Variants in PTPRN observed in about 807,000 individuals in gnomAD.
The protein encoded by PTPRN is receptor-type tyrosine-protein phosphatase-like N.
PTPRN carries 70 observed loss-of-function variants against 108.5 expected under a neutral mutation model. That is an observed-to-expected ratio of 0.65 (90% CI 0.53 to 0.79). The LOEUF is 0.79. PTPRN is among the 30% of genes least tolerant of loss of function. PTPRN has a pLI of 0.00. For synonymous variants in PTPRN, 496 were observed against 524.6 expected (o/e 0.95, Z 0.75); for missense variants, 1,136 against 1,295.5 (o/e 0.88, Z 1.89).
At chr2:219,301,816 G>A (rs1358609669) in intron 6 of PTPRN, 97 bp from the exon 7 acceptor site, 1 of 1,406,534 alleles carries the variant, frequency 7.1e-7, no homozygotes, top group African/African-American at 1.4e-5. Context: ...AGCATGTTAA[G>A]AGAGTCTTCC....
chr2:219,307,803 A>G lies in PTPRN; in HGVS notation c.155T>C (p.Val52Ala). The change falls in exon 2 of 23, where the codon GTC (valine) becomes GCC (alanine). Residue 52 changes from valine to alanine, a missense_variant. Physicochemically the swap from Val to Ala is moderately conservative, Grantham distance 64. Coordinates refer to ENST00000295718, the MANE Select transcript of PTPRN (RefSeq NM_002846.4). ...FDRRLCSHLE[V>A]CIQDGLFGQC... is the part of the protein sequence containing the mutation. ...TGGGCCTCACTCACCCTGAATACAG[A>G]CTTCCAGGTGAGAGCAGAGCCTGCG... is the stretch of plus-strand genomic sequence containing the variant. 1 of 1,614,102 alleles carries G rather than the reference A, an allele frequency of 6.2e-7. No individual in the cohort carries two copies. Among genetic ancestry groups the G allele is most frequent in the Non-Finnish European group, 8.5e-7 (1 of 1,180,014 alleles).
chr2:219,300,002 G>T lies in PTPRN; in HGVS notation c.1419C>A (p.Tyr473Ter), dbSNP rs17847401. The change falls in exon 9 of 23, where the codon TAC (tyrosine) becomes TAA (stop). Residue 473 changes from tyrosine (Y) to a stop codon, truncating the protein, a stop_gained. Coordinates refer to ENST00000295718, the MANE Select transcript of PTPRN (RefSeq NM_002846.4). LOFTEE classifies it high-confidence loss of function. ...SARPAAEEYG[Y>*]IVTDQKPLSL... The stretch of plus-strand genomic sequence containing the variant: ...GCCCTTACTTCTGATCAGTGACGAT[G>T]TAGCCATATTCCTCTGCTGCTGGGC... The T allele has an allele frequency of 1.2e-6, 2 of 1,614,116 alleles. No homozygotes were observed.
rs1952186039 is a variant in PTPRN, at chr2:219,296,033, TG to T, written c.2508+192del. ...ATGTTCTGTAAACAGGACACACACA[TG>T]TATATATGTGAATATATGGGTATGC... On this transcript the variant is annotated intron_variant, in intron 18 of 22. Transcript: ENST00000295718. The surrounding 1 kb of genome is among the most constrained non-coding windows in gnomAD (Gnocchi z 6.0). The T allele has an allele frequency of 1.4e-6, 1 of 700,210 alleles. No individual in the cohort carries two copies. Among genetic ancestry groups the T allele is most frequent in the African/African-American group, 1.8e-5 (1 of 55,506 alleles). 43.4% of individuals were successfully genotyped at this position (700,210 alleles called of 1,614,324 possible).
rs772796161 is a variant in PTPRN at position 219,301,665 on chromosome 2, C to T, written c.1049G>A (p.Arg350His). The T allele has an allele frequency of 2.5e-5, 40 of 1,613,476 alleles. No individual in the cohort carries two copies. The highest frequency in any genetic ancestry group is 3.1e-5 in the Non-Finnish European group (36 of 1,179,530). The stretch of plus-strand genomic sequence containing the variant: ...GGAGAGCTGCTCAGGGGTCAGCTGA[C>T]GCAGCTCTACCCCATAGCCCGCCAG... ...AVLAGYGVEL[R>H]QLTPEQLSTL... The change falls in exon 7 of 23, where the codon CGT becomes CAT. Residue 350 changes from arginine to histidine, a missense_variant. Transcript: ENST00000295718.
Position 219,297,098 on chromosome 2 carries a change from C to T in PTPRN, c.2123G>A (p.Arg708His), listed in dbSNP as rs370564509. 57 of 1,613,982 alleles carry T rather than the reference C, an allele frequency of 3.5e-5. No individual in the cohort carries two copies. Among genetic ancestry groups the T allele is most frequent in the African/African-American group, 6.7e-5 (5 of 74,944 alleles). ...YMEDHLRNRD[R>H]LAKEWQALCA... ...GAGGGCCTGCCACTCCTTGGCAAGGCGGTCCCGGTTCCGCAGGTGATCCTC... is the reference window on the plus strand; with the variant it reads ...GAGGGCCTGCCACTCCTTGGCAAGGTGGTCCCGGTTCCGCAGGTGATCCTC... The change falls in exon 15 of 23, where the codon CGC (arginine) becomes CAC (histidine). Residue 708 changes from arginine to histidine, a missense_variant. By Grantham distance (29) the Arg-to-His change is conservative. Transcript: ENST00000295718. The surrounding 1 kb of genome is among the most constrained non-coding windows in gnomAD (Gnocchi z 6.0).
chr2:219,302,496 G>A lies in PTPRN; in HGVS notation c.640-5C>T. On this transcript the variant is annotated splice_region_variant and splice_polypyrimidine_tract_variant and intron_variant, in intron 5 of 22. Coordinates refer to ENST00000295718, the MANE Select transcript of PTPRN (RefSeq NM_002846.4). ...GGAGCCATCACGGGAGCCAAACTGT[G>A]GAAAACCAGAGATCTGGGTAAGAGC... 1 of 1,613,930 alleles carries A rather than the reference G, an allele frequency of 6.2e-7. No individual in the cohort carries two copies. The highest frequency in any genetic ancestry group is 1.1e-5 in the South Asian group (1 of 91,082).
In PTPRN at chr2:219,290,396, C is replaced by T. The variant is rs1397266713; in HGVS notation, c.2869-99G>A. On this transcript the variant is annotated intron_variant, in intron 22 of 22. Coordinates refer to ENST00000295718, the MANE Select transcript of PTPRN (RefSeq NM_002846.4). The surrounding 1 kb of genome is among the most constrained non-coding windows in gnomAD (Gnocchi z 4.2). The stretch of plus-strand genomic sequence containing the variant: ...GGTGGGGGGAGGGCCCTGGGCAGGT[C>T]CCCTGGGAGGAAGGGAGCCCTCCTG... The T allele has an allele frequency of 7.1e-7, 1 of 1,409,804 alleles. No individual in the cohort carries two copies. Among genetic ancestry groups the T allele is most frequent in the African/African-American group, 1.4e-5 (1 of 70,192 alleles). 87.3% of individuals were successfully genotyped at this position (1,409,804 alleles called of 1,614,324 possible).
At chr2:219,309,176 T>TACCC in intron 1 of PTPRN, 42 bp downstream of exon 1, 4 of 1,364,352 alleles carry the variant, frequency 2.9e-6, no homozygotes, top group Non-Finnish European at 3.0e-6. Flanking sequence ...CCCAAGCTGC[T>TACCC]CCCCGCCCCC....
chr2:219,305,933 T>C (rs894486457), intron 3 of PTPRN, among the ~76,000 whole-genome samples: 3 of 152,186 alleles, frequency 2.0e-5, no homozygotes, highest in African/African-American at 7.2e-5. Context: ...ATGGATCACT[T>C]GAGGTTAGGA....
chr2:219,306,660 G>A (rs1447527798), intron 3 of PTPRN, among the ~76,000 whole-genome samples: 1 of 151,992 alleles, frequency 6.6e-6, no homozygotes, highest in Non-Finnish European at 1.5e-5. Context: ...TTACCTACCT[G>A]ACCTCACCTT....
chr2:219,297,163 C>G lies in PTPRN; in HGVS notation c.2089-31G>C. On this transcript the variant is annotated intron_variant, in intron 14 of 22. Coordinates refer to ENST00000295718, the MANE Select transcript of PTPRN (RefSeq NM_002846.4). This position sits in a 1 kb window ranked among gnomAD's most constrained non-coding sequence, Gnocchi z 6.0. ...GGGGCACCACGGTCTGGCTCTGGCC[C>G]ACACAGCCAGCCTGGCCTCTCTCAC... 6.2e-7 allele frequency: 1 copy of G among 1,612,118 alleles called. No homozygotes were observed. Among genetic ancestry groups the G allele is most frequent in the Non-Finnish European group, 8.5e-7 (1 of 1,178,766 alleles).
At chr2:219,307,970 G>A in intron 1 of PTPRN, 128 bp from the exon 2 acceptor site, 1 of 887,128 alleles carries the variant, frequency 1.1e-6, no homozygotes, top group East Asian at 2.5e-5. Context: ...CCTTAAGCTG[G>A]GAGGAGAGTA....
chr2:219,308,915 G>A, intron 1 of PTPRN: 4 of 1,390,592 alleles, frequency 2.9e-6, no homozygotes, highest in Non-Finnish European at 3.8e-6. Context: ...GGCTTCTCCT[G>A]TGGTCTCGCA....
intron 8 of PTPRN, 137 bp downstream of exon 8, chr2:219,300,806 G>C: frequency 1.1e-6 from 1 of 904,158 alleles, no homozygotes; most frequent in African/African-American, 1.7e-5. Context: ...AATAACTTGC[G>C]GTCTCTGGGC....
Position 219,296,962 on chromosome 2 carries a change from G to A in PTPRN, c.2236+23C>T, listed in dbSNP as rs760815396. The A allele has an allele frequency of 1.2e-6, 2 of 1,613,338 alleles. No homozygotes were observed. Among genetic ancestry groups the A allele is most frequent in the Non-Finnish European group, 1.7e-6 (2 of 1,179,738 alleles). On this transcript the variant is annotated intron_variant, in intron 15 of 22. Coordinates refer to ENST00000295718, the MANE Select transcript of PTPRN (RefSeq NM_002846.4). This position sits in a 1 kb window ranked among gnomAD's most constrained non-coding sequence, Gnocchi z 6.0. ...CGCAGCAGAGAGAGGGCTGGGCCAG[G>A]TGGGCCAGCAGGGTTCACTCACAGG...
At chr2:219,309,010 G>T (rs1240736639) in intron 1 of PTPRN, 2 of 1,530,914 alleles carry the variant, frequency 1.3e-6, no homozygotes, top group Non-Finnish European at 1.8e-6. Flanking sequence ...ATTCTCTTAG[G>T]TCCCGCCCCC....
At chr2:219,294,480 A>G (rs1031476317) in intron 19 of PTPRN, among the ~76,000 whole-genome samples, 12 of 151,914 alleles carry the variant, frequency 7.9e-5, no homozygotes, top group Non-Finnish European at 1.5e-5. Flanking sequence ...AGACACAGAA[A>G]AAAGAGGCGA....
chr2:219,299,184 A>G (rs996835896), intron 11 of PTPRN, 73 bp from the exon 12 acceptor site: 14 of 1,605,838 alleles, frequency 8.7e-6, no homozygotes, highest in Admixed American at 1.7e-5. Context: ...TCTGCCAAGC[A>G]GCAGGCAGGG....
chr2:219,303,184 G>C (rs970371206), intron 4 of PTPRN, among the ~76,000 whole-genome samples: 3 of 152,128 alleles, frequency 2.0e-5, no homozygotes, highest in Non-Finnish European at 4.4e-5. Flanking sequence ...AGCTGTCCCC[G>C]TTGCCCCTGT....
Sources: gnomAD v4.1 joint callset for allele counts (sites outside exome capture counted in the v4.1 genomes callset) on GRCh38, gnomAD v4.1.1 for gene constraint, Gnocchi (gnomAD v3.1) non-coding constraint, MANE v1.5 for transcripts, NCBI Gene and HGNC (gene_info 2026-07-23, HGNC 2026-07-21) for gene names.